KNCN: variants seen among roughly 807,000 people sequenced by gnomAD.
The protein encoded by KNCN is kinocilin.
Under a neutral mutation model 10.4 loss-of-function variants are expected in KNCN, and 11 were observed. The observed-to-expected ratio is 1.06, with a 90% CI of 0.67 to 1.75. The LOEUF (loss-of-function observed/expected upper bound fraction) is 1.75, where lower values mean the gene tolerates loss of function less well. Among genes scored for constraint, KNCN ranks in the 40% most tolerant of loss-of-function variants. The pLI, the probability that KNCN is intolerant of heterozygous loss-of-function variation, is 0.00. For synonymous variants in KNCN, 67 were observed against 71.6 expected, an observed-to-expected ratio of 0.94 and a Z score of 0.33; for missense variants, 172 against 167.1, an observed-to-expected ratio of 1.03 and a Z score of -0.16.
At position 46,546,537 on chromosome 1, in the gene KNCN, T is replaced by C. The variant is rs1438808380; in HGVS notation, c.*1193A>G. On this transcript the variant is annotated 3_prime_UTR_variant, in exon 4 of 4. Transcript: ENST00000481882. ...AGGCCGTATGGAGAGGGTATCTCTG[T>C]AGAGGTCAAACAACTCTGCCTGGAG... 6.6e-6 allele frequency: 1 copy of C among 152,236 alleles called. No homozygotes were observed. Among genetic ancestry groups the C allele is most frequent in the Non-Finnish European group, 1.5e-5 (1 of 68,058 alleles). The allele number at this position is 152,236 out of a possible 1,614,324, so 9.4% of individuals were successfully genotyped here.
In KNCN at chr1:46,549,819, GC is replaced by G. The variant is rs199854360; in HGVS notation, c.220+114del. The G allele has an allele frequency of 0.017, 26,062 of 1,510,826 alleles. 1,685 individuals are homozygous for G. In the East Asian group the frequency reaches 0.24, roughly 14 times the overall value. 93.6% of individuals were successfully genotyped at this position (1,510,826 alleles called of 1,614,324 possible). A position where few individuals can be genotyped will look rare whatever the true frequency, so the allele number is the denominator to read the frequency against. ...ACAGCAGCTCTAACACAGACAGCTA[GC>G]GCGGTCTCACACATGGGCTCATCCC... On this transcript the variant is annotated intron_variant, in intron 2 of 3. Coordinates refer to ENST00000481882, the MANE Select transcript of KNCN (RefSeq NM_001322255.2).
Position 46,546,244 on chromosome 1 carries a change from T to G in KNCN, c.*1486A>C, listed in dbSNP as rs1399152415. The stretch of plus-strand genomic sequence containing the variant: ...TCCTTTTTCCAGTGGGGCCTCAGCT[T>G]TCCCATCTGAGATGGACTCTGTGCT... On this transcript the variant is annotated 3_prime_UTR_variant, in exon 4 of 4. Transcript: ENST00000481882. The G allele has an allele frequency of 6.6e-6, 1 of 152,208 alleles. No homozygotes were observed. The highest frequency in any genetic ancestry group is 2.4e-5 in the African/African-American group (1 of 41,450). 9.4% of individuals were successfully genotyped at this position (152,208 alleles called of 1,614,324 possible). A position where few individuals can be genotyped will look rare whatever the true frequency, so the allele number is the denominator to read the frequency against.
At chr1:46,549,819 G>C in intron 2 of KNCN, 115 bp downstream of exon 2, 1 of 1,510,882 alleles carries the variant, frequency 6.6e-7, no homozygotes, top group Non-Finnish European at 9.0e-7. Context: ...CAGACAGCTA[G>C]CGCGGTCTCA....
chr1:46,549,015 T>C lies in KNCN; in HGVS notation c.295+178A>G, dbSNP rs188234391. Among the ~76,000 whole-genome samples, 521 of 151,966 alleles carry C rather than the reference T, an allele frequency of 3.4e-3. 2 individuals carry two copies. The highest frequency in any genetic ancestry group is 0.012 in the African/African-American group (487 of 41,428). On this transcript the variant is annotated intron_variant, in intron 3 of 3. Coordinates refer to ENST00000481882, the MANE Select transcript of KNCN (RefSeq NM_001322255.2). ...AATTAGCCAGGCGTGGTGGCACATG[T>C]CTGTAATCCCAGCTGCTCGGGAGGC...
chr1:46,550,796 T>A (rs1484982099), intron 1 of KNCN, among the ~76,000 whole-genome samples: 1 of 152,122 alleles, frequency 6.6e-6, no homozygotes, highest in Admixed American at 6.5e-5. Flanking sequence ...AGCCTAGAGC[T>A]TGGGGCTGGA....
At position 46,546,126 on chromosome 1, in the gene KNCN, G is replaced by A. The variant is rs1666936470; in HGVS notation, c.*1604C>T. On this transcript the variant is annotated 3_prime_UTR_variant, in exon 4 of 4. Transcript: ENST00000481882. Reference sequence around the variant, plus strand: ...AGAACTGATCCCTGCCACTTGTGCAGAGGACAGCAGAAGATAGAGCCTTGG... The same window carrying A: ...AGAACTGATCCCTGCCACTTGTGCAAAGGACAGCAGAAGATAGAGCCTTGG... 1 of 152,224 alleles carries A rather than the reference G, an allele frequency of 6.6e-6. No homozygotes were observed. Among genetic ancestry groups the A allele is most frequent in the Non-Finnish European group, 1.5e-5 (1 of 68,062 alleles). The allele number at this position is 152,224 out of a possible 1,614,324, so 9.4% of individuals were successfully genotyped here.
In KNCN at chr1:46,549,937, T is replaced by C. The variant is rs1667031199; in HGVS notation, c.217A>G (p.Ile73Val). The change falls in exon 2 of 4, where the codon ATA becomes GTA. Residue 73 changes from isoleucine to valine, a missense_variant. Ile to Val is a conservative substitution (Grantham distance 29). Coordinates refer to ENST00000481882, the MANE Select transcript of KNCN (RefSeq NM_001322255.2). ...TGGGGTCAGGGAGAGGCCTCACCTATGGTAGGCAGGATGTGGTCCAGGTTG... is the reference window on the plus strand; with the variant it reads ...TGGGGTCAGGGAGAGGCCTCACCTACGGTAGGCAGGATGTGGTCCAGGTTG... ...RFNLDHILPT[I>V]GSLRIHPHPG... 3 of 1,550,372 alleles carry C rather than the reference T, an allele frequency of 1.9e-6. No individual in the cohort carries two copies. The highest frequency in any genetic ancestry group is 2.6e-6 in the Non-Finnish European group (3 of 1,146,958).
chr1:46,547,685 G>A lies in KNCN; in HGVS notation c.*45C>T. On this transcript the variant is annotated 3_prime_UTR_variant, in exon 4 of 4. Transcript: ENST00000481882. The stretch of plus-strand genomic sequence containing the variant: ...GGAGGGCACTGACATAGGGGCAGCA[G>A]GCAGGATGGGAGGGCAGGGCATGGG... 1 of 1,431,552 alleles carries A rather than the reference G, an allele frequency of 7.0e-7. No individual in the cohort carries two copies. The allele number at this position is 1,431,552 out of a possible 1,614,324, so 88.7% of individuals were successfully genotyped here.
chr1:46,545,872 T>TA lies in KNCN; in HGVS notation c.*1857dup, dbSNP rs1666929492. 1 of 152,192 alleles carries TA rather than the reference T, an allele frequency of 6.6e-6. No homozygotes were observed. Among genetic ancestry groups the TA allele is most frequent in the African/African-American group, 2.4e-5 (1 of 41,394 alleles). 9.4% of individuals were successfully genotyped at this position (152,192 alleles called of 1,614,324 possible). A position where few individuals can be genotyped will look rare whatever the true frequency, so the allele number is the denominator to read the frequency against. ...CACTGAGGTGAGGATCGAAGATGGA[T>TA]AGGAGGAAGGGTCTCCTCATTGATT... On this transcript the variant is annotated 3_prime_UTR_variant, in exon 4 of 4. Transcript: ENST00000481882.
At position 46,547,820 on chromosome 1, in the gene KNCN, G is replaced by A; in HGVS notation, c.296-11C>T. 6.9e-7 allele frequency: 1 copy of A among 1,451,528 alleles called. No homozygotes were observed. The allele number at this position is 1,451,528 out of a possible 1,614,324, so 89.9% of individuals were successfully genotyped here. A position where few individuals can be genotyped will look rare whatever the true frequency, so the allele number is the denominator to read the frequency against. ...GGCTGCTGCGGGCTCCTGGGGGAGA[G>A]AACAGGGACGAGGACTGCCTCCGTA... is the stretch of plus-strand genomic sequence containing the variant. On this transcript the variant is annotated splice_polypyrimidine_tract_variant and intron_variant, in intron 3 of 3. Transcript: ENST00000481882.
Position 46,547,658 on chromosome 1 carries a change from C to T in KNCN, c.*72G>A, listed in dbSNP as rs575773406. On this transcript the variant is annotated 3_prime_UTR_variant, in exon 4 of 4. Transcript: ENST00000481882. ...TGTCTCCGGTCCGGGTCTCCTAACC[C>T]AGGAGGGCACTGACATAGGGGCAGC... The T allele has an allele frequency of 2.5e-6, 3 of 1,220,074 alleles. No individual in the cohort carries two copies. Among genetic ancestry groups the T allele is most frequent in the East Asian group, 5.1e-5 (2 of 39,404 alleles). The allele number at this position is 1,220,074 out of a possible 1,614,324, so 75.6% of individuals were successfully genotyped here. A position where few individuals can be genotyped will look rare whatever the true frequency, so the allele number is the denominator to read the frequency against.
In KNCN at chr1:46,549,554, G is replaced by A. The variant is rs566512307; in HGVS notation, c.221-287C>T. ...TGGTGGAGATGGCAGCCTGTATGTG[G>A]GGAGCTGAGATGAGGTGGGAGCTGT... On this transcript the variant is annotated intron_variant, in intron 2 of 3. Transcript: ENST00000481882. Among the ~76,000 whole-genome samples, 3 of 152,260 alleles carry A rather than the reference G, an allele frequency of 2.0e-5. No homozygotes were observed. In the South Asian group the frequency reaches 6.2e-4, roughly 32 times the overall value.
intron 3 of KNCN, among the ~76,000 whole-genome samples, chr1:46,548,970 GTC>G (rs1667005435): frequency 6.6e-6 from 1 of 152,014 alleles, no homozygotes; most frequent in African/African-American, 2.4e-5. Context: ...GAGAAACCCC[GTC>G]TCTACTAAAA....
In KNCN at chr1:46,550,941, A is replaced by G. The variant is rs1241549156; in HGVS notation, c.151+124T>C. The G allele has an allele frequency of 4.1e-6, 4 of 965,698 alleles. No individual in the cohort carries two copies. In the Admixed American group the frequency reaches 1.1e-4, roughly 28 times the overall value. The allele number at this position is 965,698 out of a possible 1,614,324, so 59.8% of individuals were successfully genotyped here. A position where few individuals can be genotyped will look rare whatever the true frequency, so the allele number is the denominator to read the frequency against. ...TGATGGCGGCCTTGCTCACACCTCT[A>G]GCTTCCGTTCTCCCCAGCTGATTCC... On this transcript the variant is annotated intron_variant, in intron 1 of 3. Transcript: ENST00000481882.
rs1452107985 is a variant in KNCN, at chr1:46,547,430, A to G, written c.*300T>C. On this transcript the variant is annotated 3_prime_UTR_variant, in exon 4 of 4. Coordinates refer to ENST00000481882, the MANE Select transcript of KNCN (RefSeq NM_001322255.2). The stretch of plus-strand genomic sequence containing the variant: ...AACAAATCAGTAGATTGAACAGGCA[A>G]CAAAGCTGAGCTGCAGTCCAGAAAG... 3.2e-6 allele frequency: 2 copies of G among 625,998 alleles called. No homozygotes were observed. The highest frequency in any genetic ancestry group is 2.1e-5 in the Admixed American group (1 of 47,344). The allele number at this position is 625,998 out of a possible 1,614,324, so 38.8% of individuals were successfully genotyped here.
intron 3 of KNCN, among the ~76,000 whole-genome samples, chr1:46,548,657 C>T (rs990457636): frequency 1.3e-5 from 2 of 152,132 alleles, no homozygotes. Context: ...TTCCAGTGTC[C>T]ACGCTGGGCA....
chr1:46,549,975 A>G lies in KNCN; in HGVS notation c.179T>C (p.Leu60Pro), dbSNP rs1427035440. The G allele has an allele frequency of 6.4e-7, 1 of 1,550,626 alleles. No homozygotes were observed. The highest frequency in any genetic ancestry group is 2.0e-5 in the Admixed American group (1 of 51,004). ...LGLLILAYPF[L>P]KARFNLDHIL... ...GTGGTCCAGGTTGAACCGAGCCTTCAGGAAGGGGTAGGCCAAGATGAGGAG... is the reference window on the plus strand; with the variant it reads ...GTGGTCCAGGTTGAACCGAGCCTTCGGGAAGGGGTAGGCCAAGATGAGGAG... Residue 60 changes from leucine (L) to proline (P), a missense_variant, in exon 2 of 4, where the codon CTG becomes CCG. Physicochemically the swap from Leu to Pro is moderately conservative, Grantham distance 98. Coordinates refer to ENST00000481882, the MANE Select transcript of KNCN (RefSeq NM_001322255.2).
At chr1:46,548,778 A>G (rs1667000693) in intron 3 of KNCN, among the ~76,000 whole-genome samples, 1 of 152,168 alleles carries the variant, frequency 6.6e-6, no homozygotes, top group South Asian at 2.1e-4. Context: ...CGCACTGGGG[A>G]GGCCCCTTCG....
chr1:46,547,991 C>T (rs2148507730), intron 3 of KNCN, among the ~76,000 whole-genome samples, 182 bp from the exon 4 acceptor site: 1 of 152,168 alleles, frequency 6.6e-6, no homozygotes, highest in Middle Eastern at 3.4e-3. Flanking sequence ...TAAAGAGGTA[C>T]CTCCAGTCAG....
Sources: allele counts gnomAD v4.1 joint callset (sites outside exome capture counted in the v4.1 genomes callset), GRCh38; gene constraint gnomAD v4.1.1; transcripts MANE v1.5; gene names NCBI Gene and HGNC (gene_info 2026-07-23, HGNC 2026-07-21).